The following IL31RA variants were observed in gnomAD, a reference collection of about 807,000 sequenced individuals.
IL31RA encodes interleukin 31 receptor A.
IL31RA carries 66 observed loss-of-function variants against 83.7 expected under a neutral mutation model. The ratio of observed to expected loss-of-function variants is 0.79; its 90% CI spans 0.65 to 0.97. The LOEUF is 0.97. IL31RA is among the 50% of genes least tolerant of loss of function. IL31RA has a pLI of 0.00. For missense variants in IL31RA, 798 were observed against 919.4 expected, an observed-to-expected ratio of 0.87 and a Z score of 1.71; for synonymous variants, 325 against 329.0, an observed-to-expected ratio of 0.99 and a Z score of 0.13.
intron 8 of IL31RA, among the ~76,000 whole-genome samples, chr5:55,901,224 G>A (rs1255170886): frequency 6.6e-6 from 1 of 152,086 alleles, no homozygotes; most frequent in African/African-American, 2.4e-5. Context: ...CCTAGTTCCC[G>A]CCTGTCCAAC....
intron 8 of IL31RA, chr5:55,902,497 C>A (rs1394969401): frequency 1.3e-5 from 2 of 150,448 alleles, no homozygotes; most frequent in African/African-American, 4.9e-5. Context: ...ATTAGCCAGG[C>A]CTGGTGGCAT....
rs1259632030 is a variant in IL31RA at position 55,903,497 on chromosome 5, A to C, written c.1070-2609A>C. Among the ~76,000 whole-genome samples the C allele has an allele frequency of 1.3e-5, 2 of 152,168 alleles. No individual in the cohort carries two copies. The highest frequency in any genetic ancestry group is 2.9e-5 in the Non-Finnish European group (2 of 68,030). On this transcript the variant is annotated intron_variant, in intron 8 of 14. Coordinates refer to ENST00000652347, the MANE Select transcript of IL31RA (RefSeq NM_139017.7). The surrounding 1 kb of genome is among the most constrained non-coding windows in gnomAD (Gnocchi z 4.7). ...TATTGAGTAGAGTGATGACTTGGAAATTCCCCTTTTGGCGCCCCTTGGTGT... is the reference window on the plus strand; with the variant it reads ...TATTGAGTAGAGTGATGACTTGGAACTTCCCCTTTTGGCGCCCCTTGGTGT...
chr5:55,903,871 A>G lies in IL31RA; in HGVS notation c.1070-2235A>G, dbSNP rs142129594. The stretch of plus-strand genomic sequence containing the variant: ...TCAAACAACAGAACTTTATTGTCTC[A>G]TGGTCCTGGAGGCCAGAAGTCCCAC... On this transcript the variant is annotated intron_variant, in intron 8 of 14. Coordinates refer to ENST00000652347, the MANE Select transcript of IL31RA (RefSeq NM_139017.7). The surrounding 1 kb of genome is among the most constrained non-coding windows in gnomAD (Gnocchi z 4.7). Among the ~76,000 whole-genome samples the G allele has an allele frequency of 2.6e-3, 400 of 152,308 alleles. 4 individuals are homozygous for G. Among genetic ancestry groups the G allele is most frequent in the African/African-American group, 9.3e-3 (387 of 41,576 alleles).
upstream of IL31RA, among the ~76,000 whole-genome samples, chr5:55,850,984 G>A (rs1745040840): frequency 6.6e-6 from 1 of 152,124 alleles, no homozygotes; most frequent in South Asian, 2.1e-4. Flanking sequence ...CAGCTACATG[G>A]GAGGCTGGCC....
chr5:55,867,326 T>C (rs1047192854), intron 2 of IL31RA, among the ~76,000 whole-genome samples: 13 of 151,542 alleles, frequency 8.6e-5, no homozygotes, highest in South Asian at 2.1e-4. Context: ...TGCGTGTGTG[T>C]GTGTGTGTGT....
At chr5:55,867,308 T>TGC (rs1554085320) in intron 2 of IL31RA, among the ~76,000 whole-genome samples, 1 of 148,946 alleles carries the variant, frequency 6.7e-6, no homozygotes, top group African/African-American at 2.5e-5. Context: ...TGTGTGCGTG[T>TGC]GTGTGTGTGC....
chr5:55,908,285 A>G lies in IL31RA; in HGVS notation c.1375A>G (p.Thr459Ala). 6.2e-7 allele frequency: 1 copy of G among 1,614,170 alleles called. No homozygotes were observed. Among genetic ancestry groups the G allele is most frequent in the Non-Finnish European group, 8.5e-7 (1 of 1,180,036 alleles). Residue 459 changes from threonine (T) to alanine (A), a missense_variant, in exon 11 of 15, where the codon ACC becomes GCC. Coordinates refer to ENST00000652347, the MANE Select transcript of IL31RA (RefSeq NM_139017.7). ...TCCAGTTCCATCAGAAGGTCCTGAG[A>G]CCAAGGTGGAGAACATTGGCGTGAA... Reference protein sequence around the residue: ...KEGVPSEGPETKVENIGVKTV... With the variant: ...KEGVPSEGPEAKVENIGVKTV...
At chr5:55,913,358 C>T (rs1448038604) in intron 12 of IL31RA, 119 bp from the exon 13 acceptor site, 2 of 744,464 alleles carry the variant, frequency 2.7e-6, no homozygotes, top group African/African-American at 3.5e-5. Context: ...TTGAATTTAA[C>T]TGAAAGAAAA....
intron 14 of IL31RA, among the ~76,000 whole-genome samples, 194 bp downstream of exon 14, chr5:55,915,122 G>A (rs942642883): frequency 6.6e-6 from 1 of 152,186 alleles, no homozygotes; most frequent in Non-Finnish European, 1.5e-5. Flanking sequence ...TTCATGCTTT[G>A]ACAAGGGGAA....
At chr5:55,900,178 T>C (rs774534616) in intron 8 of IL31RA, 46 bp downstream of exon 8, 50 of 1,382,328 alleles carry the variant, frequency 3.6e-5, no homozygotes, top group Non-Finnish European at 4.4e-5. Context: ...GTCCCATCAA[T>C]TGGCCAAGGA....
At chr5:55,849,835 T>G (rs555819283), upstream of IL31RA, among the ~76,000 whole-genome samples, 5 of 152,374 alleles carry the variant, frequency 3.3e-5, no homozygotes, top group Admixed American at 3.3e-4. Flanking sequence ...CCATTTTTCC[T>G]TTTTGTTTTG....
intron 8 of IL31RA, 52 bp downstream of exon 8, chr5:55,900,184 A>G: frequency 7.6e-7 from 1 of 1,310,052 alleles, no homozygotes; most frequent in Non-Finnish European, 1.1e-6. Context: ...TCAATTGGCC[A>G]AGGAGCAGTC....
chr5:55,845,429 G>GCTCTTGTAAAATAGTTT, the IL31RA span, among the ~76,000 whole-genome samples: 114,960 of 151,564 alleles, frequency 0.76, 44,301 homozygotes, highest in African/African-American at 0.84. Context: ...ATTAGGTTAG[G>GCTCTTGTAAAATAGTTT]CTCTTGAGGG....
At chr5:55,893,159 T>C (rs960726709) in intron 6 of IL31RA, among the ~76,000 whole-genome samples, 1 of 152,264 alleles carries the variant, frequency 6.6e-6, no homozygotes, top group East Asian at 1.9e-4. Context: ...CATTTAAATA[T>C]CTACTCACTA....
Position 55,922,726 on chromosome 5 carries a change from G to A in IL31RA, c.*5606G>A, listed in dbSNP as rs1388389268. On this transcript the variant is annotated 3_prime_UTR_variant, in exon 15 of 15. Coordinates refer to ENST00000652347, the MANE Select transcript of IL31RA (RefSeq NM_139017.7). ...AAAAAAGCCATAATACCATTTTCAT[G>A]TAATGCTATACTTCTATACTATTTT... is the stretch of plus-strand genomic sequence containing the variant. 2.3e-6 allele frequency: 1 copy of A among 425,830 alleles called. No homozygotes were observed. The highest frequency in any genetic ancestry group is 2.0e-5 in the African/African-American group (1 of 50,226). 26.4% of individuals were successfully genotyped at this position (425,830 alleles called of 1,614,324 possible).
chr5:55,840,151 C>T, the IL31RA span: 5 of 273,768 alleles, frequency 1.8e-5, no homozygotes, highest in Non-Finnish European at 3.6e-5. Context: ...GAGATTATGG[C>T]TGTTGCATCT....
chr5:55,905,877 A>G (rs1324194163), intron 8 of IL31RA, among the ~76,000 whole-genome samples: 1 of 151,952 alleles, frequency 6.6e-6, no homozygotes, highest in Admixed American at 6.6e-5. Flanking sequence ...AAACAGGTCA[A>G]TTTGGGGTTA....
the IL31RA span, among the ~76,000 whole-genome samples, chr5:55,846,203 A>C: frequency 6.6e-6 from 1 of 152,204 alleles, no homozygotes; most frequent in Non-Finnish European, 1.5e-5. Context: ...GGATCTAAGA[A>C]GAATTGTTGA....
intron 1 of IL31RA, 76 bp downstream of exon 1, chr5:55,851,709 T>C: frequency 1.2e-6 from 2 of 1,613,194 alleles, no homozygotes; most frequent in Non-Finnish European, 1.7e-6. Context: ...CTGTGAGTAA[T>C]GAGGGTTGAT....
Sources: gnomAD v4.1 joint callset for allele counts (sites outside exome capture counted in the v4.1 genomes callset) on GRCh38, gnomAD v4.1.1 for gene constraint, Gnocchi (gnomAD v3.1) non-coding constraint, MANE v1.5 for transcripts, NCBI Gene and HGNC (gene_info 2026-07-23, HGNC 2026-07-21) for gene names.